The following STXBP4 variants were observed in gnomAD, a reference collection of about 807,000 sequenced individuals.
STXBP4 encodes syntaxin binding protein 4.
STXBP4 carries 55 observed loss-of-function variants against 76.1 expected under a neutral mutation model. The observed-to-expected ratio is 0.72, with a 90% CI of 0.58 to 0.91. STXBP4 has a LOEUF of 0.91. Ranked by LOEUF, STXBP4 falls within the 40% of genes least tolerant of loss-of-function variation. The pLI, the probability that STXBP4 is intolerant of heterozygous loss-of-function variation, is 0.00. For missense variants in STXBP4, 618 were observed against 636.9 expected, an observed-to-expected ratio of 0.97 and a Z score of 0.32; for synonymous variants, 201 against 220.2, an observed-to-expected ratio of 0.91 and a Z score of 0.77.
intron 9 of STXBP4, among the ~76,000 whole-genome samples, chr17:55,033,114 C>T (rs2078537764): frequency 6.6e-6 from 1 of 152,156 alleles, no homozygotes; most frequent in Non-Finnish European, 1.5e-5. Context: ...TGACTCACAC[C>T]TGTAATCCCA....
intron 16 of STXBP4, among the ~76,000 whole-genome samples, chr17:55,131,219 G>A (rs1035894733): frequency 2.0e-5 from 3 of 152,206 alleles, no homozygotes; most frequent in Non-Finnish European, 4.4e-5. Flanking sequence ...TAACAGGTGT[G>A]AAGTGATATC....
intron 1 of STXBP4, among the ~76,000 whole-genome samples, chr17:54,977,178 T>A (rs1230576082): frequency 6.6e-6 from 1 of 152,168 alleles, no homozygotes; most frequent in Non-Finnish European, 1.5e-5. Context: ...GTAGCATTTC[T>A]GAACTCGTTA....
At chr17:55,209,984 A>T in the STXBP4 span, among the ~76,000 whole-genome samples, 1 of 152,228 alleles carries the variant, frequency 6.6e-6, no homozygotes, top group African/African-American at 2.4e-5. Context: ...GGATGCGTCT[A>T]TGTGAGCATG....
At chr17:55,081,944 C>T (rs1392722554) in intron 16 of STXBP4, among the ~76,000 whole-genome samples, 1 of 152,150 alleles carries the variant, frequency 6.6e-6, no homozygotes, top group Non-Finnish European at 1.5e-5. Context: ...TTTTGTGTCT[C>T]TCCAGACACT....
chr17:55,043,202 G>A (rs1411791811), intron 10 of STXBP4, 34 bp from the exon 11 acceptor site: 4 of 1,185,942 alleles, frequency 3.4e-6, no homozygotes, highest in South Asian at 3.8e-5. Flanking sequence ...AGCATCTAAT[G>A]CACAACTTTT....
intron 16 of STXBP4, among the ~76,000 whole-genome samples, chr17:55,134,553 G>T (rs1345415473): frequency 6.6e-6 from 1 of 152,080 alleles, no homozygotes; most frequent in African/African-American, 2.4e-5. Context: ...ATGGGGTGGG[G>T]AGCCCTTTAA....
intron 16 of STXBP4, among the ~76,000 whole-genome samples, chr17:55,139,790 A>T (rs1335508321): frequency 6.6e-6 from 1 of 152,130 alleles, no homozygotes; most frequent in Non-Finnish European, 1.5e-5. Flanking sequence ...TCATTAAGAG[A>T]GAATAGAAAC....
chr17:54,987,776 A>G (rs1389597736), intron 3 of STXBP4, among the ~76,000 whole-genome samples: 5 of 152,144 alleles, frequency 3.3e-5, no homozygotes, highest in African/African-American at 1.2e-4. Flanking sequence ...GAGGTTACCA[A>G]TTTATCTCTT....
intron 7 of STXBP4, 106 bp downstream of exon 7, chr17:55,000,989 T>C: frequency 2.6e-6 from 2 of 756,812 alleles, no homozygotes; most frequent in Admixed American, 2.9e-5. Flanking sequence ...ATTATGTCTT[T>C]GTTCCTTCAG....
intron 16 of STXBP4, among the ~76,000 whole-genome samples, chr17:55,136,633 A>G (rs920738808): frequency 6.6e-6 from 1 of 152,134 alleles, no homozygotes; most frequent in Non-Finnish European, 1.5e-5. Context: ...TAGGCATAGT[A>G]TAGTATTTAC....
intron 16 of STXBP4, among the ~76,000 whole-genome samples, chr17:55,096,265 C>T (rs765693367): frequency 6.6e-6 from 1 of 152,148 alleles, no homozygotes; most frequent in Admixed American, 6.6e-5. Flanking sequence ...AGGTGATCCT[C>T]CCACCTCAGC....
chr17:55,094,367 G>A lies in STXBP4; in HGVS notation c.1489+13184G>A, dbSNP rs181766180. Among the ~76,000 whole-genome samples, 18 of 152,158 alleles carry A rather than the reference G, an allele frequency of 1.2e-4. No individual in the cohort carries two copies. In the East Asian group the frequency reaches 3.3e-3, roughly 28 times the overall value. On this transcript the variant is annotated intron_variant, in intron 16 of 17. Transcript: ENST00000376352. The stretch of plus-strand genomic sequence containing the variant: ...GGTCTACATTTTAAAAGATCCTTTG[G>A]GTGTTTGTTTAAAACTGGGCTCTAA...
chr17:55,028,544 G>T (rs1244204266), intron 8 of STXBP4, among the ~76,000 whole-genome samples: 2 of 152,110 alleles, frequency 1.3e-5, no homozygotes, highest in Non-Finnish European at 2.9e-5. Context: ...GTTCTCAAGG[G>T]CAGGGCTGCA....
chr17:55,101,804 CTTTA>C lies in STXBP4; in HGVS notation c.1489+20625_1489+20628del, dbSNP rs1349580626. Among the ~76,000 whole-genome samples the C allele has an allele frequency of 3.9e-5, 6 of 152,210 alleles. No individual in the cohort carries two copies. The East Asian group carries it at 1.2e-3, about 29-fold the overall frequency. ...TGAATTCTGATTACTTCATAGTTCTCTTTATTTTTTCTCGATCTACAGAGTTGTA... is the reference window on the plus strand; with the variant it reads ...TGAATTCTGATTACTTCATAGTTCTCTTTTTTCTCGATCTACAGAGTTGTA... On this transcript the variant is annotated intron_variant, in intron 16 of 17. Coordinates refer to ENST00000376352, the MANE Select transcript of STXBP4 (RefSeq NM_178509.6).
intron 1 of STXBP4, among the ~76,000 whole-genome samples, chr17:54,978,048 C>T (rs2077496169): frequency 6.6e-6 from 1 of 152,164 alleles, no homozygotes; most frequent in South Asian, 2.1e-4. Context: ...TGACCAACTG[C>T]AGCCTACCCC....
At chr17:54,990,065 C>T (rs932673767) in intron 3 of STXBP4, among the ~76,000 whole-genome samples, 3 of 152,192 alleles carry the variant, frequency 2.0e-5, no homozygotes, top group Admixed American at 1.3e-4. Context: ...TTTTGTCCTA[C>T]TCCAAAGAAA....
chr17:54,990,754 A>T, intron 3 of STXBP4, 71 bp from the exon 4 acceptor site: 1 of 1,492,628 alleles, frequency 6.7e-7, no homozygotes, highest in Non-Finnish European at 8.9e-7. Context: ...TTGATTTAAT[A>T]AGTAGTTTAA....
chr17:55,069,142 C>A, intron 12 of STXBP4, among the ~76,000 whole-genome samples: 1 of 145,512 alleles, frequency 6.9e-6, no homozygotes. Flanking sequence ...AAGACATTTC[C>A]TCAGTGTTGC....
the STXBP4 span, among the ~76,000 whole-genome samples, chr17:55,204,979 A>G: frequency 6.6e-6 from 1 of 152,128 alleles, no homozygotes; most frequent in African/African-American, 2.4e-5. Context: ...ATTTTATATT[A>G]TATATATGTT....
Sources: allele counts gnomAD v4.1 joint callset (sites outside exome capture counted in the v4.1 genomes callset), GRCh38; gene constraint gnomAD v4.1.1; transcripts MANE v1.5; gene names NCBI Gene and HGNC (gene_info 2026-07-23, HGNC 2026-07-21).